The following NTM variants were observed in gnomAD, a reference collection of about 807,000 sequenced individuals.
NTM encodes the protein IgLON family member 2.
In NTM, 13 loss-of-function variants were observed where a neutral mutation model predicts 42.1. That is an observed-to-expected ratio of 0.31 (90% CI 0.20 to 0.49). The LOEUF is 0.49. Among genes scored for constraint, NTM ranks in the 20% least tolerant of loss-of-function variants. NTM has a pLI of 0.99. For synonymous variants in NTM, 187 were observed against 179.2 expected (o/e 1.04, Z -0.35); for missense variants, 373 against 452.8 (o/e 0.82, Z 1.60).
chr11:131,884,006 T>C (rs566226469), intron 1 of NTM, among the ~76,000 whole-genome samples: 1 of 152,304 alleles, frequency 6.6e-6, no homozygotes, highest in African/African-American at 2.4e-5. Context: ...ACTGAATCCT[T>C]AATAGGTGAC....
intron 2 of NTM, among the ~76,000 whole-genome samples, chr11:132,023,469 G>C (rs555580885): frequency 7.9e-5 from 12 of 152,300 alleles, no homozygotes; most frequent in African/African-American, 2.9e-4. Context: ...CCCTGGCAAA[G>C]GTGTTGACCC....
chr11:131,715,416 C>T (rs2077590017), intron 1 of NTM, among the ~76,000 whole-genome samples: 1 of 152,166 alleles, frequency 6.6e-6, no homozygotes, highest in African/African-American at 2.4e-5. Flanking sequence ...GCATTTTAGA[C>T]TATTTCATCT....
chr11:132,197,620 G>C (rs1003222204), intron 3 of NTM, among the ~76,000 whole-genome samples: 6 of 150,422 alleles, frequency 4.0e-5, no homozygotes, highest in African/African-American at 1.5e-4. Flanking sequence ...TTGACATTAG[G>C]TATATCTCCT....
intron 1 of NTM, among the ~76,000 whole-genome samples, chr11:131,373,268 G>T (rs1941468419): frequency 2.0e-5 from 3 of 152,156 alleles, no homozygotes; most frequent in Non-Finnish European, 4.4e-5. Context: ...CTATTGCATT[G>T]ACCCAGTGGG....
intron 4 of NTM, among the ~76,000 whole-genome samples, chr11:132,259,293 A>G (rs2139506517): frequency 6.6e-6 from 1 of 152,334 alleles, no homozygotes; most frequent in South Asian, 2.1e-4. Flanking sequence ...AAAGACCTTG[A>G]GGCAGGGTGA....
At chr11:131,940,053 T>C (rs1593037546) in intron 2 of NTM, among the ~76,000 whole-genome samples, 1 of 152,352 alleles carries the variant, frequency 6.6e-6, no homozygotes, top group Non-Finnish European at 1.5e-5. Context: ...AAAAGAAACC[T>C]ATTTGAAACT....
chr11:131,671,704 A>G (rs2070279118), intron 1 of NTM: 1 of 661,614 alleles, frequency 1.5e-6, no homozygotes, highest in South Asian at 6.7e-5. Context: ...AGGCCACTGG[A>G]GAGTGACAAA....
intron 1 of NTM, among the ~76,000 whole-genome samples, chr11:131,443,311 G>A (rs1004788514): frequency 6.6e-6 from 1 of 152,112 alleles, no homozygotes; most frequent in African/African-American, 2.4e-5. Context: ...TAAAGAAGAG[G>A]GAAAGAAGAA....
At chr11:131,515,472 A>T (rs1227302542) in intron 1 of NTM, among the ~76,000 whole-genome samples, 3 of 152,172 alleles carry the variant, frequency 2.0e-5, no homozygotes, top group Non-Finnish European at 4.4e-5. Context: ...CCCAGCATGA[A>T]CATGAGCCGT....
chr11:132,108,488 C>T lies in NTM; in HGVS notation c.168-37794C>T, dbSNP rs566200556. 5.3e-5 allele frequency among the ~76,000 whole-genome samples: 8 copies of T among 152,082 alleles called. No homozygotes were observed. The East Asian group carries it at 7.7e-4, about 15-fold the overall frequency. On this transcript the variant is annotated intron_variant, in intron 2 of 8. Transcript: ENST00000683400. ...ATAAGTGGGAGCTAAACTCTGAGGACGCAAAGGCATAAGAATGATACAATG... is the reference window on the plus strand; with the variant it reads ...ATAAGTGGGAGCTAAACTCTGAGGATGCAAAGGCATAAGAATGATACAATG...
intron 5 of NTM, among the ~76,000 whole-genome samples, chr11:132,309,509 A>C (rs1437835364): frequency 6.6e-6 from 1 of 152,222 alleles, no homozygotes; most frequent in Non-Finnish European, 1.5e-5. Context: ...CGTGGAGTGT[A>C]GGGTTGATGG....
intron 1 of NTM, among the ~76,000 whole-genome samples, chr11:131,861,841 A>G (rs1008202393): frequency 2.0e-5 from 3 of 152,172 alleles, no homozygotes; most frequent in African/African-American, 2.4e-5. Context: ...CAGTGGTCTG[A>G]GACTAGTGAA....
intron 2 of NTM, among the ~76,000 whole-genome samples, chr11:132,049,771 G>A (rs1484911921): frequency 6.6e-6 from 1 of 152,172 alleles, no homozygotes; most frequent in African/African-American, 2.4e-5. Flanking sequence ...GACAAAGCAA[G>A]GAGGGACATT....
chr11:131,431,947 G>C (rs765701856), intron 1 of NTM, among the ~76,000 whole-genome samples: 79 of 152,292 alleles, frequency 5.2e-4, no homozygotes, highest in South Asian at 1.9e-3. Flanking sequence ...GAGTGGTAGA[G>C]GGAGGGATGA....
At chr11:132,188,645 C>G (rs936420087) in intron 3 of NTM, among the ~76,000 whole-genome samples, 1 of 151,952 alleles carries the variant, frequency 6.6e-6, no homozygotes, top group South Asian at 2.1e-4. Context: ...GCACCAGCAT[C>G]ATGATATGCT....
chr11:131,952,517 C>T (rs565187823), intron 2 of NTM, among the ~76,000 whole-genome samples: 1 of 152,226 alleles, frequency 6.6e-6, no homozygotes, highest in African/African-American at 2.4e-5. Flanking sequence ...TTTACACACT[C>T]TCTCTCTCAG....
intron 1 of NTM, chr11:131,911,219 C>A: frequency 7.2e-7 from 1 of 1,386,898 alleles, no homozygotes; most frequent in Non-Finnish European, 9.4e-7. Flanking sequence ...ACCTTCCCGG[C>A]GGAAGCAGCG....
intron 1 of NTM, among the ~76,000 whole-genome samples, chr11:131,731,151 C>T (rs2079634324): frequency 6.6e-6 from 1 of 152,176 alleles, no homozygotes; most frequent in Non-Finnish European, 1.5e-5. Flanking sequence ...GGCGCACCTC[C>T]TCCTCCTCCT....
chr11:131,420,873 A>G (rs531769716), intron 1 of NTM, among the ~76,000 whole-genome samples: 1 of 152,244 alleles, frequency 6.6e-6, no homozygotes, highest in African/African-American at 2.4e-5. Context: ...TTGTTGGCAA[A>G]TGCCTGGTCT....
Sources: allele counts gnomAD v4.1 joint callset (sites outside exome capture counted in the v4.1 genomes callset), GRCh38; gene constraint gnomAD v4.1.1; transcripts MANE v1.5; gene names NCBI Gene and HGNC (gene_info 2026-07-23, HGNC 2026-07-21).